The following PRKG1 variants were observed in gnomAD, a reference collection of about 807,000 sequenced individuals.
PRKG1 encodes cGMP-dependent protein kinase 1.
PRKG1 carries 35 observed loss-of-function variants against 88.1 expected under a neutral mutation model. The ratio of observed to expected loss-of-function variants is 0.40; its 90% CI spans 0.30 to 0.53. The LOEUF (loss-of-function observed/expected upper bound fraction) is 0.53. Ranked by LOEUF, PRKG1 falls within the 20% of genes least tolerant of loss-of-function variation. The pLI is 0.59. For missense variants in PRKG1, 540 were observed against 839.8 expected (o/e 0.64, Z 4.41); for synonymous variants, 303 against 292.5 (o/e 1.04, Z -0.37).
chr10:51,384,359 C>T (rs1413692393), intron 2 of PRKG1, among the ~76,000 whole-genome samples: 1 of 152,110 alleles, frequency 6.6e-6, no homozygotes, highest in Non-Finnish European at 1.5e-5. Context: ...CCCATAGGAG[C>T]CTGAGACCTC....
At chr10:51,397,931 A>T (rs1236789143) in intron 2 of PRKG1, among the ~76,000 whole-genome samples, 1 of 152,168 alleles carries the variant, frequency 6.6e-6, no homozygotes, top group East Asian at 1.9e-4. Flanking sequence ...TTTGCAAGTG[A>T]GCATGTGGCT....
chr10:51,687,543 A>G (rs993285621), intron 3 of PRKG1, among the ~76,000 whole-genome samples: 26 of 152,196 alleles, frequency 1.7e-4, no homozygotes, highest in African/African-American at 5.6e-4. Context: ...GTTATAGGGA[A>G]AGACATTTAC....
intron 2 of PRKG1, among the ~76,000 whole-genome samples, chr10:51,416,703 G>T (rs1375467860): frequency 6.6e-6 from 1 of 152,164 alleles, no homozygotes; most frequent in Non-Finnish European, 1.5e-5. Context: ...AAATGACAGT[G>T]CTTTTTCCTG....
chr10:51,426,671 A>G (rs1166918822), intron 2 of PRKG1, among the ~76,000 whole-genome samples: 2 of 152,150 alleles, frequency 1.3e-5, no homozygotes, highest in Non-Finnish European at 2.9e-5. Flanking sequence ...CCATTTCCAA[A>G]AGACAAAAAT....
At chr10:51,145,296 GA>G (rs1325625347) in intron 1 of PRKG1, among the ~76,000 whole-genome samples, 1 of 151,922 alleles carries the variant, frequency 6.6e-6, no homozygotes, top group African/African-American at 2.4e-5. Context: ...TGAAAGGTAA[GA>G]AAAAAATACT....
intron 1 of PRKG1, among the ~76,000 whole-genome samples, chr10:51,042,792 C>T (rs1843442117): frequency 6.6e-6 from 1 of 152,080 alleles, no homozygotes; most frequent in Non-Finnish European, 1.5e-5. Flanking sequence ...ATCCTAACTC[C>T]CAATGTGATG....
chr10:51,755,343 A>G (rs534643803), intron 3 of PRKG1, among the ~76,000 whole-genome samples: 1 of 152,266 alleles, frequency 6.6e-6, no homozygotes, highest in East Asian at 1.9e-4. Context: ...ATATTCTTTA[A>G]TTCATAACAA....
In PRKG1 at chr10:51,618,780, T is replaced by G. The variant is rs200222405; in HGVS notation, c.592+150944T>G. Among the ~76,000 whole-genome samples, 7 of 152,142 alleles carry G rather than the reference T, an allele frequency of 4.6e-5. 1 individual carries two copies. The East Asian group carries it at 1.4e-3, about 29-fold the overall frequency. ...ATTATTTATTATGTATTTATTTATT[T>G]ATTTTTGAGACAGAGTCTTGCTCTG... On this transcript the variant is annotated intron_variant, in intron 3 of 17. Transcript: ENST00000373980.
At chr10:51,457,440 C>A (rs1313102827) in intron 2 of PRKG1, among the ~76,000 whole-genome samples, 1 of 151,970 alleles carries the variant, frequency 6.6e-6, no homozygotes, top group Non-Finnish European at 1.5e-5. Flanking sequence ...GGGGGAAAGG[C>A]GGGAAGGAAT....
intron 6 of PRKG1, among the ~76,000 whole-genome samples, chr10:52,059,032 G>T (rs1260679410): frequency 6.6e-6 from 1 of 151,804 alleles, no homozygotes. Flanking sequence ...CAGCATGCAA[G>T]ATACACAAAT....
intron 7 of PRKG1, among the ~76,000 whole-genome samples, chr10:52,109,492 C>T (rs759960166): frequency 1.3e-5 from 2 of 152,250 alleles, no homozygotes; most frequent in South Asian, 2.1e-4. Flanking sequence ...TTTGGCTGGG[C>T]GTGGTGGCTC....
intron 2 of PRKG1, among the ~76,000 whole-genome samples, chr10:51,368,429 C>A (rs1842633668): frequency 6.6e-6 from 1 of 151,928 alleles, no homozygotes; most frequent in Non-Finnish European, 1.5e-5. Flanking sequence ...ATTTCATATT[C>A]TGAAATTTAG....
At chr10:51,424,649 A>T (rs1166988082) in intron 2 of PRKG1, among the ~76,000 whole-genome samples, 3 of 151,972 alleles carry the variant, frequency 2.0e-5, no homozygotes, top group Non-Finnish European at 4.4e-5. Context: ...CAGTTACATG[A>T]CCCCTACTAA....
intron 1 of PRKG1, among the ~76,000 whole-genome samples, chr10:51,138,954 T>C (rs1845760770): frequency 6.6e-6 from 1 of 152,096 alleles, no homozygotes; most frequent in Non-Finnish European, 1.5e-5. Context: ...AGTGCTGGGA[T>C]TACAGGCATG....
At chr10:51,002,705 G>A (rs1430674695) in intron 1 of PRKG1, among the ~76,000 whole-genome samples, 2 of 152,184 alleles carry the variant, frequency 1.3e-5, no homozygotes, top group South Asian at 2.1e-4. Flanking sequence ...TGGATGTGAA[G>A]CAGTCTTGCT....
chr10:51,320,829 C>T (rs962767928), intron 2 of PRKG1, among the ~76,000 whole-genome samples: 1 of 152,182 alleles, frequency 6.6e-6, no homozygotes, highest in Non-Finnish European at 1.5e-5. Flanking sequence ...TTGGGAATTA[C>T]TCTTTTAACA....
At chr10:51,945,022 G>A (rs1195581248) in intron 5 of PRKG1, among the ~76,000 whole-genome samples, 1 of 151,058 alleles carries the variant, frequency 6.6e-6, no homozygotes, top group Non-Finnish European at 1.5e-5. Flanking sequence ...TTAACTTTCT[G>A]TCTCGTTGAT....
rs182158799 is a variant in PRKG1 at position 52,135,474 on chromosome 10, C to T, written c.1001+1569C>T. ...ACTAATCTGAGAATTCAGTGTAAAA[C>T]GAATTAGAGGGAGAGGTTAGAGACA... On this transcript the variant is annotated intron_variant, in intron 8 of 17. Coordinates refer to ENST00000373980, the MANE Select transcript of PRKG1 (RefSeq NM_006258.4). 1.5e-3 allele frequency among the ~76,000 whole-genome samples: 234 copies of T among 151,962 alleles called. 1 individual carries two copies. Among genetic ancestry groups the T allele is most frequent in the Admixed American group, 2.5e-3 (38 of 15,232 alleles).
At chr10:52,169,219 G>C (rs1838589481) in intron 9 of PRKG1, among the ~76,000 whole-genome samples, 1 of 152,184 alleles carries the variant, frequency 6.6e-6, no homozygotes, top group Admixed American at 6.5e-5. Flanking sequence ...TAGACTATGT[G>C]TTTTAGTTTG....
Sources: gnomAD v4.1 joint callset for allele counts (sites outside exome capture counted in the v4.1 genomes callset) on GRCh38, gnomAD v4.1.1 for gene constraint, MANE v1.5 for transcripts, NCBI Gene and HGNC (gene_info 2026-07-23, HGNC 2026-07-21) for gene names.